The following TPST2 variants were observed in gnomAD, a reference collection of about 807,000 sequenced individuals.
TPST2 encodes the protein protein-tyrosine sulfotransferase 2.
Under a neutral mutation model 27.8 loss-of-function variants are expected in TPST2, and 16 were observed. That is an observed-to-expected ratio of 0.58 (90% CI 0.39 to 0.88). The LOEUF (loss-of-function observed/expected upper bound fraction) is 0.88. Ranked by LOEUF, TPST2 falls within the 40% of genes least tolerant of loss-of-function variation. TPST2 has a pLI of 0.00. For missense variants in TPST2, 464 were observed against 543.1 expected, an observed-to-expected ratio of 0.85 and a Z score of 1.45; for synonymous variants, 229 against 231.7, an observed-to-expected ratio of 0.99 and a Z score of 0.10.
chr22:26,580,041 T>C (rs12157455), intron 1 of TPST2, among the ~76,000 whole-genome samples: 4,783 of 151,866 alleles, frequency 0.031, 256 homozygotes, highest in African/African-American at 0.11. Context: ...GCCCAGGAGT[T>C]CAAGACCAGC....
rs1182982908 is a variant in TPST2, at chr22:26,560,720, G to A, written c.-160-16045C>T. ...AAGGAAAATTTGAAGATATGGCAAA[G>A]GCGGACAAGGCCCATTACGAAAGAG... On this transcript the variant is annotated intron_variant, in intron 1 of 6. Coordinates refer to ENST00000338754, the MANE Select transcript of TPST2 (RefSeq NM_003595.5). 3 of 1,080,906 alleles carry A rather than the reference G, an allele frequency of 2.8e-6. No homozygotes were observed. In the African/African-American group the frequency reaches 4.6e-5, roughly 17 times the overall value. 67.0% of individuals were successfully genotyped at this position (1,080,906 alleles called of 1,614,324 possible). A position where few individuals can be genotyped will look rare whatever the true frequency, so the allele number is the denominator to read the frequency against.
chr22:26,546,530 A>G (rs1926135966), intron 1 of TPST2, among the ~76,000 whole-genome samples: 1 of 152,250 alleles, frequency 6.6e-6, no homozygotes, highest in Non-Finnish European at 1.5e-5. Flanking sequence ...ATGGCCCACG[A>G]GCCCAGCCAT....
At chr22:26,529,990 A>G (rs777309685) in intron 5 of TPST2, among the ~76,000 whole-genome samples, 1 of 152,250 alleles carries the variant, frequency 6.6e-6, no homozygotes, top group African/African-American at 2.4e-5. Context: ...TGCTGACGTC[A>G]AGAAAGTAGC....
chr22:26,560,157 C>T (rs916012864), intron 1 of TPST2, among the ~76,000 whole-genome samples: 1 of 152,068 alleles, frequency 6.6e-6, no homozygotes, highest in Admixed American at 6.5e-5. Context: ...AATGGCACGG[C>T]CAGGCCTGAA....
Position 26,526,276 on chromosome 22 carries a change from G to C in TPST2, c.*8-9C>G, listed in dbSNP as rs1354242510. ...AAGTCATTTGCGGAGATCTGAAAGTGGGGAAGACTGTGTTAGGCTCAGAGT... is the reference window on the plus strand; with the variant it reads ...AAGTCATTTGCGGAGATCTGAAAGTCGGGAAGACTGTGTTAGGCTCAGAGT... On this transcript the variant is annotated splice_polypyrimidine_tract_variant and intron_variant, in intron 6 of 6. Coordinates refer to ENST00000338754, the MANE Select transcript of TPST2 (RefSeq NM_003595.5). 2 of 152,210 alleles carry C rather than the reference G, an allele frequency of 1.3e-5. No homozygotes were observed. Among genetic ancestry groups the C allele is most frequent in the African/African-American group, 4.8e-5 (2 of 41,460 alleles). 9.4% of individuals were successfully genotyped at this position (152,210 alleles called of 1,614,324 possible). A position where few individuals can be genotyped will look rare whatever the true frequency, so the allele number is the denominator to read the frequency against.
chr22:26,583,471 A>C (rs911784839), intron 1 of TPST2, among the ~76,000 whole-genome samples: 3 of 146,898 alleles, frequency 2.0e-5, no homozygotes, highest in African/African-American at 7.5e-5. Context: ...TTGAGGGCTT[A>C]AAATGGCAGA....
intron 1 of TPST2, among the ~76,000 whole-genome samples, chr22:26,546,924 A>G (rs968455751): frequency 6.6e-6 from 1 of 152,182 alleles, no homozygotes; most frequent in African/African-American, 2.4e-5. Flanking sequence ...TGGCAATAGA[A>G]ACCACATGAA....
intron 3 of TPST2, among the ~76,000 whole-genome samples, chr22:26,537,778 G>A (rs1925553867): frequency 6.6e-6 from 1 of 152,012 alleles, no homozygotes; most frequent in Admixed American, 6.6e-5. Context: ...TTTAATAAGG[G>A]TTAGCATGCT....
chr22:26,540,705 A>C, intron 3 of TPST2, 84 bp downstream of exon 3: 9 of 1,349,614 alleles, frequency 6.7e-6, no homozygotes, highest in Non-Finnish European at 8.9e-6. Flanking sequence ...CACACAGCTC[A>C]AGAAAGGCAG....
intron 1 of TPST2, among the ~76,000 whole-genome samples, chr22:26,576,823 G>A (rs981468336): frequency 5.9e-5 from 9 of 151,916 alleles, no homozygotes; most frequent in Middle Eastern, 3.4e-3. Flanking sequence ...AAGGCCGGGC[G>A]CGGTGGCTCA....
At chr22:26,569,371 G>A (rs1602294971) in intron 1 of TPST2, among the ~76,000 whole-genome samples, 2 of 152,330 alleles carry the variant, frequency 1.3e-5, no homozygotes, top group South Asian at 4.1e-4. Context: ...TGCTATGTAC[G>A]TTCAGCTATT....
At chr22:26,587,800 C>T (rs1800440283) in intron 1 of TPST2, among the ~76,000 whole-genome samples, 1 of 152,000 alleles carries the variant, frequency 6.6e-6, no homozygotes. Flanking sequence ...GGCAGGTCCT[C>T]AACAGGTTAA....
intron 4 of TPST2, among the ~76,000 whole-genome samples, chr22:26,535,464 GT>G (rs1268710765): frequency 6.6e-6 from 1 of 152,210 alleles, no homozygotes; most frequent in South Asian, 2.1e-4. Context: ...CCCAGTGGGT[GT>G]TAGCCTACTT....
intron 2 of TPST2, among the ~76,000 whole-genome samples, chr22:26,542,776 G>A (rs1007589207): frequency 6.6e-6 from 1 of 152,194 alleles, no homozygotes; most frequent in Non-Finnish European, 1.5e-5. Context: ...GATGCAGCAC[G>A]ACTGGGGAAC....
chr22:26,552,547 T>TG (rs1277859123), intron 1 of TPST2, among the ~76,000 whole-genome samples: 2 of 152,114 alleles, frequency 1.3e-5, no homozygotes, highest in African/African-American at 2.4e-5. Context: ...TCATCTCTCT[T>TG]GGGGGTAGGC....
chr22:26,530,879 G>A (rs531165926), intron 5 of TPST2, among the ~76,000 whole-genome samples: 4 of 152,012 alleles, frequency 2.6e-5, no homozygotes, highest in Non-Finnish European at 4.4e-5. Context: ...CGTGGTGGCC[G>A]GTGCCTGTAA....
intron 4 of TPST2, among the ~76,000 whole-genome samples, chr22:26,533,612 A>G (rs1447078910): frequency 6.6e-6 from 1 of 152,188 alleles, no homozygotes; most frequent in Non-Finnish European, 1.5e-5. Context: ...CACATTTTAA[A>G]ATAAAATGAA....
rs1924810415 is a variant in TPST2 at position 26,525,978 on chromosome 22, G to A, written c.*297C>T. Reference sequence around the variant, plus strand: ...GGCAGTCCTGCAAATTAAGGAGGATGGCAAATCTGTCTCTTAAAAAAAAGT... The same window carrying A: ...GGCAGTCCTGCAAATTAAGGAGGATAGCAAATCTGTCTCTTAAAAAAAAGT... On this transcript the variant is annotated 3_prime_UTR_variant, in exon 7 of 7. Transcript: ENST00000338754. 1 of 152,044 alleles carries A rather than the reference G, an allele frequency of 6.6e-6. No individual in the cohort carries two copies. Among genetic ancestry groups the A allele is most frequent in the East Asian group, 1.9e-4 (1 of 5,184 alleles). The allele number at this position is 152,044 out of a possible 1,614,324, so 9.4% of individuals were successfully genotyped here. A position where few individuals can be genotyped will look rare whatever the true frequency, so the allele number is the denominator to read the frequency against.
intron 4 of TPST2, among the ~76,000 whole-genome samples, chr22:26,534,675 C>T (rs1925351478): frequency 6.6e-6 from 1 of 152,170 alleles, no homozygotes; most frequent in South Asian, 2.1e-4. Flanking sequence ...ACTGCAGTGT[C>T]CCCAGCCGGC....
Sources: gnomAD v4.1 joint callset for allele counts (sites outside exome capture counted in the v4.1 genomes callset) on GRCh38, gnomAD v4.1.1 for gene constraint, MANE v1.5 for transcripts, NCBI Gene and HGNC (gene_info 2026-07-23, HGNC 2026-07-21) for gene names.